The following ZNF704 variants were observed in gnomAD, a reference collection of about 807,000 sequenced individuals.
ZNF704 encodes glucocorticoid induced gene 1.
ZNF704 carries 10 observed loss-of-function variants against 44.7 expected under a neutral mutation model. The ratio of observed to expected loss-of-function variants is 0.22; its 90% CI spans 0.14 to 0.38. The LOEUF (loss-of-function observed/expected upper bound fraction) is 0.38, where lower values mean the gene tolerates loss of function less well. Ranked by LOEUF, ZNF704 falls within the 10% of genes least tolerant of loss-of-function variation. ZNF704 has a pLI of 1.00. For missense variants in ZNF704, 390 were observed against 545.5 expected (o/e 0.71, Z 2.84); for synonymous variants, 211 against 207.6 (o/e 1.02, Z -0.14).
intron 1 of ZNF704, among the ~76,000 whole-genome samples, chr8:80,855,757 C>T (rs1404632624): frequency 1.3e-5 from 2 of 151,934 alleles, no homozygotes; most frequent in Admixed American, 1.3e-4. Context: ...ACAATTGTAC[C>T]CCCATACATT....
At chr8:80,769,906 A>ATT (rs1029340988) in intron 2 of ZNF704, among the ~76,000 whole-genome samples, 2 of 152,292 alleles carry the variant, frequency 1.3e-5, no homozygotes, top group South Asian at 4.1e-4. Flanking sequence ...AGACTGGGCA[A>ATT]TTTACAAAGG....
At chr8:80,856,780 T>G (rs544423102) in intron 1 of ZNF704, among the ~76,000 whole-genome samples, 1 of 152,202 alleles carries the variant, frequency 6.6e-6, no homozygotes, top group Non-Finnish European at 1.5e-5. Context: ...TGAAATCAAG[T>G]AGATTAAGTC....
chr8:80,776,038 C>T (rs984171545), intron 2 of ZNF704, among the ~76,000 whole-genome samples: 7 of 152,108 alleles, frequency 4.6e-5, no homozygotes, highest in Non-Finnish European at 8.8e-5. Context: ...TCTCCATAGC[C>T]GTCATTTTTA....
intron 7 of ZNF704, among the ~76,000 whole-genome samples, chr8:80,643,571 C>T (rs981972187): frequency 1.3e-5 from 2 of 149,220 alleles, no homozygotes; most frequent in Non-Finnish European, 3.0e-5. Context: ...GAAATACTTT[C>T]CTCACAGAGA....
chr8:80,707,721 G>A (rs1818918908), intron 2 of ZNF704, among the ~76,000 whole-genome samples: 1 of 152,202 alleles, frequency 6.6e-6, no homozygotes, highest in South Asian at 2.1e-4. Flanking sequence ...AAATTCGATT[G>A]TTTCAATCAA....
In ZNF704 at chr8:80,871,192, CT is replaced by C. The variant is rs376609204; in HGVS notation, c.-22+3378del. 3.4e-3 allele frequency among the ~76,000 whole-genome samples: 515 copies of C among 152,332 alleles called. 4 individuals carry two copies. The highest frequency in any genetic ancestry group is 0.012 in the African/African-American group (487 of 41,580). On this transcript the variant is annotated intron_variant, in intron 1 of 8. Transcript: ENST00000327835. ...CTACTGTCCTCCACACAGCATGGAT[CT>C]TTTGAAAACTACAAATTACCTTGTA... is the stretch of plus-strand genomic sequence containing the variant.
intron 2 of ZNF704, among the ~76,000 whole-genome samples, chr8:80,803,764 T>C (rs987138763): frequency 1.1e-4 from 16 of 152,130 alleles, no homozygotes; most frequent in African/African-American, 2.2e-4. Context: ...ATTCAGGACA[T>C]AGGCACAGGC....
At chr8:80,649,816 T>C (rs533523710) in intron 7 of ZNF704, among the ~76,000 whole-genome samples, 1 of 152,342 alleles carries the variant, frequency 6.6e-6, no homozygotes, top group South Asian at 2.1e-4. Flanking sequence ...AAGAGAGCAG[T>C]GATTCTCCCA....
intron 1 of ZNF704, among the ~76,000 whole-genome samples, chr8:80,866,727 G>T (rs967233342): frequency 6.6e-6 from 1 of 152,090 alleles, no homozygotes; most frequent in Non-Finnish European, 1.5e-5. Context: ...GGGTTGGGGG[G>T]GGGATACATT....
At chr8:80,658,574 A>T (rs1432092236) in intron 7 of ZNF704, 1 of 152,184 alleles carries the variant, frequency 6.6e-6, no homozygotes, top group Non-Finnish European at 1.5e-5. Context: ...TTTAAAAATG[A>T]CTTCAGACCC....
At chr8:80,728,895 T>C (rs1372062422) in intron 2 of ZNF704, among the ~76,000 whole-genome samples, 4 of 152,068 alleles carry the variant, frequency 2.6e-5, no homozygotes, top group African/African-American at 7.2e-5. Context: ...AATGAGAAAA[T>C]ATAAATGAAG....
At chr8:80,742,627 T>C (rs1490259961) in intron 2 of ZNF704, among the ~76,000 whole-genome samples, 1 of 152,126 alleles carries the variant, frequency 6.6e-6, no homozygotes, top group Non-Finnish European at 1.5e-5. Flanking sequence ...GAATCAAAGG[T>C]GTAAAACTAC....
intron 2 of ZNF704, among the ~76,000 whole-genome samples, chr8:80,776,372 G>A (rs1807411279): frequency 6.6e-6 from 1 of 152,058 alleles, no homozygotes; most frequent in Admixed American, 6.5e-5. Context: ...TCTCCAGCAA[G>A]TTACTCTTAT....
At chr8:80,673,407 T>C (rs1818313337) in intron 4 of ZNF704, 1 of 152,112 alleles carries the variant, frequency 6.6e-6, no homozygotes, top group African/African-American at 2.4e-5. Context: ...TAAACAAACG[T>C]TTATTGTGTT....
chr8:80,699,497 A>C (rs1818776212), intron 2 of ZNF704, among the ~76,000 whole-genome samples: 1 of 152,188 alleles, frequency 6.6e-6, no homozygotes, highest in Non-Finnish European at 1.5e-5. Context: ...GAGTGAATAC[A>C]TCATAATACA....
At chr8:80,710,342 T>G (rs774634941) in intron 2 of ZNF704, among the ~76,000 whole-genome samples, 6 of 152,230 alleles carry the variant, frequency 3.9e-5, no homozygotes, top group Non-Finnish European at 8.8e-5. Flanking sequence ...TTAACTCAGT[T>G]ACTCCTCTTA....
chr8:80,842,579 G>A (rs1808699640), intron 1 of ZNF704, among the ~76,000 whole-genome samples: 1 of 152,164 alleles, frequency 6.6e-6, no homozygotes, highest in South Asian at 2.1e-4. Context: ...GACAGGTAAG[G>A]CCTCTGTGAG....
intron 2 of ZNF704, among the ~76,000 whole-genome samples, chr8:80,790,612 G>A: frequency 6.6e-6 from 1 of 152,162 alleles, no homozygotes; most frequent in East Asian, 1.9e-4. Flanking sequence ...GGCCAGCACA[G>A]CAGGAACCCA....
chr8:80,771,102 A>G (rs1468075016), intron 2 of ZNF704, among the ~76,000 whole-genome samples: 1 of 152,202 alleles, frequency 6.6e-6, no homozygotes, highest in Non-Finnish European at 1.5e-5. Context: ...CAAATAGCAC[A>G]CAGTCTGGAT....
Sources: gnomAD v4.1 joint callset for allele counts (sites outside exome capture counted in the v4.1 genomes callset) on GRCh38, gnomAD v4.1.1 for gene constraint, MANE v1.5 for transcripts, NCBI Gene and HGNC (gene_info 2026-07-23, HGNC 2026-07-21) for gene names.